The following VEGFA variants were observed in gnomAD, a reference collection of about 807,000 sequenced individuals.
VEGFA encodes the protein vascular endothelial growth factor A.
VEGFA carries 20 observed loss-of-function variants against 49.7 expected under a neutral mutation model. That is an observed-to-expected ratio of 0.40 (90% CI 0.28 to 0.58). The LOEUF is 0.58. Among genes scored for constraint, VEGFA ranks in the 20% least tolerant of loss-of-function variants. The probability of loss-of-function intolerance (pLI) is 0.40; values close to 1 mark genes in which losing one functional copy is unlikely to be tolerated. For missense variants in VEGFA, 505 were observed against 553.5 expected, an observed-to-expected ratio of 0.91 and a Z score of 0.88; for synonymous variants, 219 against 223.4, an observed-to-expected ratio of 0.98 and a Z score of 0.18.
intron 1 of VEGFA, chr6:43,771,859 C>T: frequency 5.3e-6 from 1 of 188,626 alleles, no homozygotes; most frequent in East Asian, 1.9e-4. Context: ...TGGATTGCTG[C>T]GGGGACCCCC....
rs1212518247 is a variant in VEGFA, at chr6:43,781,365, C to A, written c.1034+562C>A. Reference sequence around the variant, plus strand: ...GAGGTGGGGCCTCTGGAGGGGAGCCCCCTATTCCGGCCCAACCCATGGCAC... The same window carrying A: ...GAGGTGGGGCCTCTGGAGGGGAGCCACCTATTCCGGCCCAACCCATGGCAC... On this transcript the variant is annotated intron_variant, in intron 6 of 7. Transcript: ENST00000672860. The A allele has an allele frequency of 3.5e-5, 9 of 258,428 alleles. No homozygotes were observed. The South Asian group carries it at 4.1e-4, about 12-fold the overall frequency. 16.0% of individuals were successfully genotyped at this position (258,428 alleles called of 1,614,324 possible).
In VEGFA at chr6:43,784,770, G is replaced by T. The variant is rs1232786789; in HGVS notation, c.*208G>T. 1.1e-5 allele frequency: 10 copies of T among 876,724 alleles called. No individual in the cohort carries two copies. Among genetic ancestry groups the T allele is most frequent in the Non-Finnish European group, 1.5e-5 (8 of 533,780 alleles). The allele number at this position is 876,724 out of a possible 1,614,324, so 54.3% of individuals were successfully genotyped here. A position where few individuals can be genotyped will look rare whatever the true frequency, so the allele number is the denominator to read the frequency against. On this transcript the variant is annotated 3_prime_UTR_variant, in exon 8 of 8. Transcript: ENST00000672860. ...TGGGTCCGGAGGGCGAGACTCCGGC[G>T]GAAGCATTCCCGGGCGGGTGACCCA...
At chr6:43,780,850 C>T (rs920868765) in intron 6 of VEGFA, 47 bp downstream of exon 6, 14 of 1,613,446 alleles carry the variant, frequency 8.7e-6, no homozygotes, top group Non-Finnish European at 1.2e-5. Context: ...CCTCCCTGGC[C>T]CCCAGTACAA....
rs561490568 is a variant in VEGFA, at chr6:43,784,784, G to A, written c.*222G>A. ...GAGACTCCGGCGGAAGCATTCCCGG[G>A]CGGGTGACCCAGCACGGTCCCTCTT... On this transcript the variant is annotated 3_prime_UTR_variant, in exon 8 of 8. Coordinates refer to ENST00000672860, the MANE Select transcript of VEGFA (RefSeq NM_003376.6). 1.1e-5 allele frequency: 9 copies of A among 785,338 alleles called. No homozygotes were observed. Among genetic ancestry groups the A allele is most frequent in the East Asian group, 2.7e-5 (1 of 37,390 alleles). 48.6% of individuals were successfully genotyped at this position (785,338 alleles called of 1,614,324 possible). A position where few individuals can be genotyped will look rare whatever the true frequency, so the allele number is the denominator to read the frequency against.
At chr6:43,782,598 C>T (rs1768230119) in intron 7 of VEGFA, 2 of 235,792 alleles carry the variant, frequency 8.5e-6, no homozygotes, top group South Asian at 1.1e-4. Context: ...TTGAGTCTCC[C>T]ACTTCAGACT....
intron 3 of VEGFA, 93 bp from the exon 4 acceptor site, chr6:43,778,367 C>T (rs1766163661): frequency 1.8e-6 from 2 of 1,100,022 alleles, no homozygotes; most frequent in South Asian, 2.6e-5. Context: ...TGCAGAACCC[C>T]TGGGTGCTGA....
In VEGFA at chr6:43,780,519, GAAGA is replaced by G. The variant is rs899236921; in HGVS notation, c.963-208_963-205del. 6 of 642,226 alleles carry G rather than the reference GAAGA, an allele frequency of 9.3e-6. No individual in the cohort carries two copies. In the African/African-American group the frequency reaches 1.1e-4, roughly 12 times the overall value. 39.8% of individuals were successfully genotyped at this position (642,226 alleles called of 1,614,324 possible). On this transcript the variant is annotated intron_variant, in intron 5 of 7. Coordinates refer to ENST00000672860, the MANE Select transcript of VEGFA (RefSeq NM_003376.6). ...CATCCCATGGTGGGCAGCGTGAGGA[GAAGA>G]AAGAGCCATCGAGTGCTTGCTGCCC...
In VEGFA at chr6:43,777,814, C is replaced by G; in HGVS notation, c.855+149C>G. The G allele has an allele frequency of 1.2e-6, 1 of 819,404 alleles. No individual in the cohort carries two copies. The highest frequency in any genetic ancestry group is 1.9e-6 in the Non-Finnish European group (1 of 529,054). 50.8% of individuals were successfully genotyped at this position (819,404 alleles called of 1,614,324 possible). ...CAGGGGAGGTATGGTGGGGTCTTGC[C>G]TTCTGTGGAGAAGATGCTTCATTCC... On this transcript the variant is annotated intron_variant, in intron 3 of 7. Transcript: ENST00000672860. The surrounding 1 kb of genome is among the most constrained non-coding windows in gnomAD (Gnocchi z 4.3).
At position 43,778,524 on chromosome 6, in the gene VEGFA, A is replaced by G. The variant is rs1582504137; in HGVS notation, c.920A>G (p.Lys307Arg). The change falls in exon 4 of 8, where the codon AAA (lysine) becomes AGA (arginine). Residue 307 changes from lysine (K) to arginine (R), a missense_variant. Coordinates refer to ENST00000672860, the MANE Select transcript of VEGFA (RefSeq NM_003376.6). Reference sequence around the variant, plus strand: ...GAGATGAGCTTCCTACAGCACAACAAATGTGAATGCAGGTGAGGATGTAGT... The same window carrying G: ...GAGATGAGCTTCCTACAGCACAACAGATGTGAATGCAGGTGAGGATGTAGT... 6.2e-7 allele frequency: 1 copy of G among 1,614,044 alleles called. No individual in the cohort carries two copies. The highest frequency in any genetic ancestry group is 8.5e-7 in the Non-Finnish European group (1 of 1,179,896).
In VEGFA at chr6:43,780,779, A is replaced by T. The variant is rs750127977; in HGVS notation, c.1010A>T (p.Lys337Ile). Reference sequence around the variant, plus strand: ...AAGGGGCAAAAACGAAAGCGCAAGAAATCCCGGTATAAGTCCTGGAGCGTG... The same window carrying T: ...AAGGGGCAAAAACGAAAGCGCAAGATATCCCGGTATAAGTCCTGGAGCGTG... Residue 337 changes from lysine to isoleucine, a missense_variant, in exon 6 of 8, where the codon AAA (lysine) becomes ATA (isoleucine). This residue lies in a region of VEGFA where 165 missense variants were observed against 231.7 expected (regional missense o/e 0.71). Transcript: ENST00000672860. 6.2e-7 allele frequency: 1 copy of T among 1,614,064 alleles called. No homozygotes were observed. Among genetic ancestry groups the T allele is most frequent in the South Asian group, 1.1e-5 (1 of 91,074 alleles).
chr6:43,781,432 G>A (rs573088469), intron 6 of VEGFA: 20 of 237,304 alleles, frequency 8.4e-5, no homozygotes, highest in South Asian at 1.7e-4. Flanking sequence ...CCTCTGGGTC[G>A]GAGGCTGTGG....
intron 5 of VEGFA, chr6:43,779,351 C>T (rs910793902): frequency 1.1e-5 from 4 of 351,302 alleles, no homozygotes; most frequent in African/African-American, 6.3e-5. Context: ...GATGCGAGGC[C>T]GGCTGGAGGG....
chr6:43,778,578 A>C, intron 4 of VEGFA, 42 bp downstream of exon 4: 1 of 1,586,342 alleles, frequency 6.3e-7, no homozygotes, highest in Non-Finnish European at 8.7e-7. Context: ...AAGTGGCTGC[A>C]GGGTGCCTGA....
chr6:43,775,371 C>G (rs1228553705), intron 2 of VEGFA: 2 of 152,284 alleles, frequency 1.3e-5, no homozygotes, highest in African/African-American at 4.8e-5. Context: ...ATAAGGAAAA[C>G]CACGAAAGCC....
rs552697649 is a variant in VEGFA at position 43,782,199 on chromosome 6, C to T, written c.1166+112C>T. 26 of 1,468,714 alleles carry T rather than the reference C, an allele frequency of 1.8e-5. No homozygotes were observed. The African/African-American group carries it at 3.5e-4, about 20-fold the overall frequency. The allele number at this position is 1,468,714 out of a possible 1,614,324, so 91.0% of individuals were successfully genotyped here. ...GAGCGGGAGAGCGCCTGAGAGGGGC[C>T]AGCTGCTTGCTCAGTTTCTAGCTGC... On this transcript the variant is annotated intron_variant, in intron 7 of 7. Coordinates refer to ENST00000672860, the MANE Select transcript of VEGFA (RefSeq NM_003376.6).
At chr6:43,779,620 A>G (rs1766675274) in intron 5 of VEGFA, 1 of 449,038 alleles carries the variant, frequency 2.2e-6, no homozygotes, top group South Asian at 1.6e-5. Flanking sequence ...CCCCCACACC[A>G]TCTTGTCTGC....
intron 6 of VEGFA, 50 bp from the exon 7 acceptor site, chr6:43,781,906 C>T (rs750927974): frequency 3.7e-6 from 6 of 1,609,766 alleles, no homozygotes; most frequent in Non-Finnish European, 5.1e-6. Context: ...TTTTTTCTCT[C>T]TCTCTGCTGA....
At position 43,771,324 on chromosome 6, in the gene VEGFA, T is replaced by A. The variant is rs1352384836; in HGVS notation, c.606+12T>A. The A allele has an allele frequency of 2.5e-6, 4 of 1,595,134 alleles. No individual in the cohort carries two copies. The highest frequency in any genetic ancestry group is 3.4e-6 in the Non-Finnish European group (4 of 1,172,946). On this transcript the variant is annotated intron_variant, in intron 1 of 7. Coordinates refer to ENST00000672860, the MANE Select transcript of VEGFA (RefSeq NM_003376.6). The stretch of plus-strand genomic sequence containing the variant: ...TCCACCATGCCAAGGTAAGCGGTCG[T>A]GCCCTGCTGGCGCCGCGGGCCGCTG...
intron 7 of VEGFA, chr6:43,782,437 C>A (rs376866960): frequency 2.9e-4 from 104 of 360,506 alleles, no homozygotes; most frequent in African/African-American, 2.1e-3. Flanking sequence ...ATTACTACCT[C>A]TGGTAGTAAT....
Sources: allele counts gnomAD v4.1 joint callset, GRCh38; gene constraint gnomAD v4.1.1; regional missense constraint gnomAD v4.1.1; non-coding constraint Gnocchi (gnomAD v3.1); transcripts MANE v1.5; gene names NCBI Gene and HGNC (gene_info 2026-07-23, HGNC 2026-07-21).